MAP3K2: variants seen among roughly 807,000 people sequenced by gnomAD.
The protein encoded by MAP3K2 is mitogen-activated protein kinase kinase kinase 2, also known as MAP/ERK kinase kinase 2.
A neutral mutation model predicts 80.3 loss-of-function variants in MAP3K2; 24 were observed. The observed-to-expected ratio is 0.30, with a 90% CI of 0.22 to 0.42. The LOEUF is 0.42. MAP3K2 is among the 10% of genes least tolerant of loss of function. The pLI, the probability that MAP3K2 is intolerant of heterozygous loss-of-function variation, is 1.00. For missense variants in MAP3K2, 608 were observed against 750.1 expected (o/e 0.81, Z 2.21); for synonymous variants, 244 against 253.7 (o/e 0.96, Z 0.36).
intron 1 of MAP3K2, among the ~76,000 whole-genome samples, chr2:127,353,451 C>T (rs1686737445): frequency 6.7e-6 from 1 of 149,594 alleles, no homozygotes; most frequent in Non-Finnish European, 1.5e-5. Context: ...AGTGAGGAGC[C>T]CCTCCGCCCA....
In MAP3K2 at chr2:127,307,706, G is replaced by A. The variant is rs1306107023; in HGVS notation, c.1733C>T (p.Thr578Ile). The A allele has an allele frequency of 1.9e-6, 3 of 1,597,514 alleles. No individual in the cohort carries two copies. The change falls in exon 17 of 17, where the codon ACA (threonine) becomes ATA (isoleucine). Residue 578 changes from threonine (T) to isoleucine (I), a missense_variant. Thr to Ile is a moderately conservative substitution (Grantham distance 89). Transcript: ENST00000682094. This position sits in a 1 kb window ranked among gnomAD's most constrained non-coding sequence, Gnocchi z 5.4. ...GACATGAGGTGGCAGCTTTGGGTTTGTTGGCTGAGTGGCGATTTTAAAGAT... is the reference window on the plus strand; with the variant it reads ...GACATGAGGTGGCAGCTTTGGGTTTATTGGCTGAGTGGCGATTTTAAAGAT... ...AAIFKIATQPTNPKLPPHVSD... is the reference protein window; with the variant it reads ...AAIFKIATQPINPKLPPHVSD...
chr2:127,387,871 G>A lies in MAP3K2; in HGVS notation c.-485C>T. The A allele has an allele frequency of 1.0e-6, 1 of 982,194 alleles. No homozygotes were observed. 60.8% of individuals were successfully genotyped at this position (982,194 alleles called of 1,614,324 possible). On this transcript the variant is annotated 5_prime_UTR_variant, in exon 1 of 17. Transcript: ENST00000682094. Reference sequence around the variant, plus strand: ...TGGTCGTTGTTTTCGTCGCCGCCGCGGGCCGTGCAACCCCCGAACGCTGCG... The same window carrying A: ...TGGTCGTTGTTTTCGTCGCCGCCGCAGGCCGTGCAACCCCCGAACGCTGCG...
intron 5 of MAP3K2, among the ~76,000 whole-genome samples, chr2:127,333,272 CTCA>C (rs1357451973): frequency 2.2e-5 from 3 of 139,080 alleles, no homozygotes; most frequent in South Asian, 4.4e-4. Context: ...ACAACCAACC[CTCA>C]TAACACACAC....
chr2:127,358,318 T>C (rs1315484604), intron 1 of MAP3K2, among the ~76,000 whole-genome samples: 1 of 152,236 alleles, frequency 6.6e-6, no homozygotes, highest in Non-Finnish European at 1.5e-5. Flanking sequence ...AAAATGCTCA[T>C]GCACTACTGT....
Position 127,303,553 on chromosome 2 carries a change from C to T in MAP3K2, c.*4026G>A, listed in dbSNP as rs1356988192. On this transcript the variant is annotated 3_prime_UTR_variant, in exon 17 of 17. Transcript: ENST00000682094. The stretch of plus-strand genomic sequence containing the variant: ...CCAATGATTACCTAAAATTGCTTTT[C>T]CCTTAATAAAAAATAACATTTTAAA... 1 of 152,036 alleles carries T rather than the reference C, an allele frequency of 6.6e-6. No individual in the cohort carries two copies. Among genetic ancestry groups the T allele is most frequent in the East Asian group, 1.9e-4 (1 of 5,190 alleles). 9.4% of individuals were successfully genotyped at this position (152,036 alleles called of 1,614,324 possible).
At chr2:127,316,211 T>C (rs1685899886) in intron 14 of MAP3K2, among the ~76,000 whole-genome samples, 1 of 152,026 alleles carries the variant, frequency 6.6e-6, no homozygotes. Flanking sequence ...TCGTCTCTAC[T>C]AAAAATACAA....
At chr2:127,308,184 A>T (rs1009010808) in intron 16 of MAP3K2, among the ~76,000 whole-genome samples, 30 of 152,236 alleles carry the variant, frequency 2.0e-4, no homozygotes, top group Admixed American at 5.9e-4. Flanking sequence ...CTGGGTGGGA[A>T]GTAGAAAATG....
At chr2:127,348,269 T>G (rs1473527378) in intron 1 of MAP3K2, among the ~76,000 whole-genome samples, 3 of 152,060 alleles carry the variant, frequency 2.0e-5, no homozygotes, top group Non-Finnish European at 4.4e-5. Context: ...GAGCCTGTAA[T>G]CCCAGCTACT....
chr2:127,350,450 A>G (rs1227015903), intron 1 of MAP3K2, among the ~76,000 whole-genome samples: 1 of 134,896 alleles, frequency 7.4e-6, no homozygotes, highest in Non-Finnish European at 1.6e-5. Context: ...AACAAAAACA[A>G]AAACAAAAAA....
At chr2:127,387,207 T>G (rs1687369425) in intron 1 of MAP3K2, among the ~76,000 whole-genome samples, 1 of 152,086 alleles carries the variant, frequency 6.6e-6, no homozygotes, top group Non-Finnish European at 1.5e-5. Context: ...AGGGTACGTG[T>G]CTGACAGCTA....
In MAP3K2 at chr2:127,321,332, T is replaced by C. The variant is rs1686016217; in HGVS notation, c.1045+714A>G. On this transcript the variant is annotated intron_variant, in intron 12 of 16. Coordinates refer to ENST00000682094, the MANE Select transcript of MAP3K2 (RefSeq NM_001371910.2). The surrounding 1 kb of genome is among the most constrained non-coding windows in gnomAD (Gnocchi z 4.4). ...AAGATATATATAAAAGACATTTTTC[T>C]CTTATTTTTAATCACTTCAAAAGAT... 6.6e-6 allele frequency among the ~76,000 whole-genome samples: 1 copy of C among 152,226 alleles called. No individual in the cohort carries two copies. The highest frequency in any genetic ancestry group is 2.1e-4 in the South Asian group (1 of 4,832).
chr2:127,307,478 TCCC>T lies in MAP3K2; in HGVS notation c.*98_*100del, dbSNP rs1355425581. ...AATACTTTCCCTCTTGTCTTTTTTCTCCCCCATCTCTCTTTTTTTATAAAAAAG... is the reference window on the plus strand; with the variant it reads ...AATACTTTCCCTCTTGTCTTTTTTCTCCATCTCTCTTTTTTTATAAAAAAG... On this transcript the variant is annotated 3_prime_UTR_variant, in exon 17 of 17. Coordinates refer to ENST00000682094, the MANE Select transcript of MAP3K2 (RefSeq NM_001371910.2). This position sits in a 1 kb window ranked among gnomAD's most constrained non-coding sequence, Gnocchi z 5.4. The T allele has an allele frequency of 1.7e-5, 10 of 579,208 alleles. No individual in the cohort carries two copies. The highest frequency in any genetic ancestry group is 2.9e-5 in the Non-Finnish European group (10 of 349,262). The allele number at this position is 579,208 out of a possible 1,614,324, so 35.9% of individuals were successfully genotyped here. A position where few individuals can be genotyped will look rare whatever the true frequency, so the allele number is the denominator to read the frequency against.
chr2:127,378,555 TATATA>T (rs1323649934), intron 1 of MAP3K2, among the ~76,000 whole-genome samples: 2 of 152,214 alleles, frequency 1.3e-5, no homozygotes, highest in East Asian at 1.9e-4. Context: ...GTTTAAATAT[TATATA>T]AATCAGTAAA....
At chr2:127,331,384 C>T (rs1309486002) in intron 5 of MAP3K2, among the ~76,000 whole-genome samples, 1 of 152,118 alleles carries the variant, frequency 6.6e-6, no homozygotes, top group African/African-American at 2.4e-5. Context: ...CTACTCAGCA[C>T]AATATATGAG....
intron 15 of MAP3K2, among the ~76,000 whole-genome samples, chr2:127,313,928 C>T (rs927920981): frequency 7.9e-5 from 12 of 152,144 alleles, no homozygotes; most frequent in African/African-American, 2.9e-4. Flanking sequence ...CCTCAGCCTC[C>T]CAGGTAGCTG....
At chr2:127,377,010 G>A (rs138835033) in intron 1 of MAP3K2, among the ~76,000 whole-genome samples, 2 of 151,846 alleles carry the variant, frequency 1.3e-5, no homozygotes, top group Admixed American at 6.6e-5. Context: ...GCAGTGAGCA[G>A]TGATCCTGAC....
rs1686358892 is a variant in MAP3K2, at chr2:127,335,877, T to C, written c.257A>G (p.Asn86Ser). 5.2e-6 allele frequency: 8 copies of C among 1,539,076 alleles called. No individual in the cohort carries two copies. The highest frequency in any genetic ancestry group is 1.4e-5 in the African/African-American group (1 of 73,444). Reference protein sequence around the residue: ...FGQSMDLHYTNNELVIPLTTQ... With the variant: ...FGQSMDLHYTSNELVIPLTTQ... The stretch of plus-strand genomic sequence containing the variant: ...TAAACTGTACATGTTTACCTCGTTA[T>C]TGGTATAATGTAGATCCATAGACTG... The change falls in exon 5 of 17, where the codon AAT (asparagine) becomes AGT (serine). Residue 86 changes from asparagine (N) to serine (S), a missense_variant. This residue lies in a region of MAP3K2 where 467 missense variants were observed against 521.9 expected (regional missense o/e 0.89). Coordinates refer to ENST00000682094, the MANE Select transcript of MAP3K2 (RefSeq NM_001371910.2).
chr2:127,359,822 T>A (rs185864127), intron 1 of MAP3K2, among the ~76,000 whole-genome samples: 57 of 152,342 alleles, frequency 3.7e-4, no homozygotes, highest in Admixed American at 1.4e-3. Context: ...CCTTCTGCCA[T>A]GATTTTAAGT....
At position 127,324,196 on chromosome 2, in the gene MAP3K2, T is replaced by G. The variant is rs1686084460; in HGVS notation, c.723A>C (p.Pro241=). The change falls in exon 10 of 17, where the codon CCA becomes CCC. Residue 241 remains proline, a synonymous_variant. Coordinates refer to ENST00000682094, the MANE Select transcript of MAP3K2 (RefSeq NM_001371910.2). The part of the protein sequence containing the change: ...KSRMPRAQSY[P]DNHQEFSDYD... ...AACCTGAAAATTCCTGATGATTATCTGGGTAGCTCTGAGCCCTAGGCATTC... is the reference window on the plus strand; with the variant it reads ...AACCTGAAAATTCCTGATGATTATCGGGGTAGCTCTGAGCCCTAGGCATTC... 6.4e-7 allele frequency: 1 copy of G among 1,559,984 alleles called. No individual in the cohort carries two copies.
Sources: allele counts gnomAD v4.1 joint callset (sites outside exome capture counted in the v4.1 genomes callset), GRCh38; gene constraint gnomAD v4.1.1; regional missense constraint gnomAD v4.1.1; non-coding constraint Gnocchi (gnomAD v3.1); transcripts MANE v1.5; gene names NCBI Gene and HGNC (gene_info 2026-07-23, HGNC 2026-07-21).